The following KCNH7 variants were observed in gnomAD, a reference collection of about 807,000 sequenced individuals.
The protein encoded by KCNH7 is potassium voltage-gated channel subfamily H member 7.
KCNH7 carries 49 observed loss-of-function variants against 120.8 expected under a neutral mutation model. The observed-to-expected ratio is 0.41, with a 90% confidence interval of 0.32 to 0.51. The LOEUF is 0.51. Among genes scored for constraint, KCNH7 ranks in the 20% least tolerant of loss-of-function variants. KCNH7 has a pLI of 0.38. For missense variants in KCNH7, 1,097 were observed against 1,446.6 expected, an observed-to-expected ratio of 0.76 and a Z score of 3.92; for synonymous variants, 547 against 516.1, an observed-to-expected ratio of 1.06 and a Z score of -0.81.
At position 162,657,338 on chromosome 2, in the gene KCNH7, T is replaced by C. The variant is rs573048036; in HGVS notation, c.308-120258A>G. Among the ~76,000 whole-genome samples, 114 of 152,258 alleles carry C rather than the reference T, an allele frequency of 7.5e-4. 2 individuals carry two copies. Among genetic ancestry groups the C allele is most frequent in the African/African-American group, 2.4e-3 (100 of 41,560 alleles). ...ATCTTCCCCCTTTCCCTGAGCCCTT[T>C]GCAACCACCGATTGTTTGACTTTCT... On this transcript the variant is annotated intron_variant, in intron 2 of 15. Transcript: ENST00000332142.
intron 2 of KCNH7, among the ~76,000 whole-genome samples, chr2:162,784,170 G>GAA (rs564648218): frequency 1.5e-4 from 22 of 150,280 alleles, no homozygotes; most frequent in African/African-American, 5.1e-4. Flanking sequence ...AACTAAAAAT[G>GAA]AAAAAAAAAT....
chr2:162,793,947 C>CA (rs796069994), intron 2 of KCNH7, among the ~76,000 whole-genome samples: 2 of 151,476 alleles, frequency 1.3e-5, no homozygotes, highest in African/African-American at 4.8e-5. Flanking sequence ...GTTCTCACCA[C>CA]AAAAAAAGGT....
intron 6 of KCNH7, among the ~76,000 whole-genome samples, chr2:162,470,497 G>T (rs1689478140): frequency 6.6e-6 from 1 of 151,956 alleles, no homozygotes; most frequent in Non-Finnish European, 1.5e-5. Context: ...GAAGTGAGGA[G>T]CCCCTCTGCC....
chr2:162,405,987 T>C (rs182635060), intron 9 of KCNH7, among the ~76,000 whole-genome samples: 57 of 152,114 alleles, frequency 3.7e-4, no homozygotes, highest in African/African-American at 1.3e-3. Context: ...AGATAGATAT[T>C]CATCTACTTA....
intron 12 of KCNH7, among the ~76,000 whole-genome samples, chr2:162,392,861 T>A (rs2105429754): frequency 6.6e-6 from 1 of 151,480 alleles, no homozygotes; most frequent in African/African-American, 2.4e-5. Flanking sequence ...GCTTTGAACA[T>A]GTAGGTGACA....
At position 162,750,402 on chromosome 2, in the gene KCNH7, A is replaced by C. The variant is rs138548180; in HGVS notation, c.307+86135T>G. 5.5e-3 allele frequency among the ~76,000 whole-genome samples: 825 copies of C among 148,652 alleles called. 6 individuals carry two copies. Among genetic ancestry groups the C allele is most frequent in the Middle Eastern group, 0.02 (6 of 294 alleles). ...ATATACTGTATAGTAAAAGAAATAA[A>C]AGACTTAGCAATTCTGGATAGACTT... is the stretch of plus-strand genomic sequence containing the variant. On this transcript the variant is annotated intron_variant, in intron 2 of 15. Transcript: ENST00000332142.
At chr2:162,600,951 G>A (rs1302581986) in intron 2 of KCNH7, among the ~76,000 whole-genome samples, 1 of 152,006 alleles carries the variant, frequency 6.6e-6, no homozygotes, top group Non-Finnish European at 1.5e-5. Flanking sequence ...TGTCTCCCAT[G>A]GGGAGAAAAG....
chr2:162,748,822 CCTCCCCTCCCCTCCT>C (rs1420988282), intron 2 of KCNH7, among the ~76,000 whole-genome samples: 9 of 115,960 alleles, frequency 7.8e-5, no homozygotes, highest in Non-Finnish European at 1.2e-4. Flanking sequence ...AATCCTTCTC[CCTCCCCTCCCCTCCT>C]CTCCCCTCCC....
At chr2:162,801,892 G>A (rs1376397171) in intron 2 of KCNH7, among the ~76,000 whole-genome samples, 1 of 151,632 alleles carries the variant, frequency 6.6e-6, no homozygotes, top group Non-Finnish European at 1.5e-5. Context: ...CATCATTATG[G>A]CCCTGGAGTT....
At chr2:162,602,955 T>G (rs1216709695) in intron 2 of KCNH7, among the ~76,000 whole-genome samples, 1 of 151,200 alleles carries the variant, frequency 6.6e-6, no homozygotes, top group Non-Finnish European at 1.5e-5. Context: ...GGACTTTTTT[T>G]TTTTTTTGGT....
chr2:162,379,407 A>C lies in KCNH7; in HGVS notation c.3131+446T>G, dbSNP rs75020746. On this transcript the variant is annotated intron_variant, in intron 14 of 15. Transcript: ENST00000332142. ...TCTGTGAGAATTTCAAGTCAATTAC[A>C]TTTTTTGATAAGCTGACTGAATAAC... Among the ~76,000 whole-genome samples the C allele has an allele frequency of 2.2e-4, 34 of 152,326 alleles. No homozygotes were observed. The Middle Eastern group carries it at 0.02, about 91-fold the overall frequency.
chr2:162,379,754 T>G, intron 14 of KCNH7, 99 bp downstream of exon 14: 57 of 1,125,556 alleles, frequency 5.1e-5, no homozygotes, highest in East Asian at 7.2e-5. Flanking sequence ...AAGGAAATTA[T>G]GAGATCATGG....
Position 162,371,876 on chromosome 2 carries a change from C to A in KCNH7, c.3544G>T (p.Val1182Leu). The A allele has an allele frequency of 6.2e-7, 1 of 1,613,304 alleles. No individual in the cohort carries two copies. The highest frequency in any genetic ancestry group is 8.5e-7 in the Non-Finnish European group (1 of 1,179,390). The change falls in exon 16 of 16, where the codon GTG (valine) becomes TTG (leucine). Residue 1182 changes from valine to leucine, a missense_variant. Transcript: ENST00000332142. Reference sequence around the variant, plus strand: ...TCAGAAACATGCCTATGAAGACCCACGATTCCTACAGTGCTTAGGGATGAA... The same window carrying A: ...TCAGAAACATGCCTATGAAGACCCAAGATTCCTACAGTGCTTAGGGATGAA... ...PDSSLSTVGI[V>L]GLHRHVSDPG...
At chr2:162,468,951 G>A (rs751957040) in intron 6 of KCNH7, among the ~76,000 whole-genome samples, 1 of 151,856 alleles carries the variant, frequency 6.6e-6, no homozygotes, top group Non-Finnish European at 1.5e-5. Context: ...TCCAGGCCCA[G>A]GTGACCCTCC....
At position 162,791,008 on chromosome 2, in the gene KCNH7, T is replaced by C. The variant is rs549059918; in HGVS notation, c.307+45529A>G. 7.2e-5 allele frequency among the ~76,000 whole-genome samples: 11 copies of C among 152,220 alleles called. No individual in the cohort carries two copies. In the South Asian group the frequency reaches 2.3e-3, roughly 32 times the overall value. The stretch of plus-strand genomic sequence containing the variant: ...GGAAAAGAAATAAAAAGCATCTTCA[T>C]TTGAAGGGAAGAAGTTAAATTGTCT... On this transcript the variant is annotated intron_variant, in intron 2 of 15. Transcript: ENST00000332142.
intron 2 of KCNH7, among the ~76,000 whole-genome samples, chr2:162,690,864 T>C (rs889906052): frequency 2.0e-5 from 3 of 152,190 alleles, no homozygotes; most frequent in African/African-American, 7.2e-5. Context: ...GCTTATATAA[T>C]TTTCAGCACT....
At chr2:162,792,481 G>A (rs748079592) in intron 2 of KCNH7, among the ~76,000 whole-genome samples, 12 of 151,846 alleles carry the variant, frequency 7.9e-5, no homozygotes, top group Non-Finnish European at 1.8e-4. Context: ...GTCTGTTCAG[G>A]GATTCGAATT....
intron 9 of KCNH7, among the ~76,000 whole-genome samples, chr2:162,422,290 C>T (rs1056350711): frequency 5.3e-5 from 8 of 151,964 alleles, no homozygotes; most frequent in African/African-American, 1.9e-4. Context: ...AATTTTGAAC[C>T]CTTCTTTCTC....
intron 6 of KCNH7, among the ~76,000 whole-genome samples, chr2:162,472,014 C>A (rs894736409): frequency 1.3e-5 from 2 of 152,142 alleles, no homozygotes; most frequent in African/African-American, 4.8e-5. Context: ...ATAAATGGTG[C>A]TGGGAAAACT....
Sources: allele counts gnomAD v4.1 joint callset (sites outside exome capture counted in the v4.1 genomes callset), GRCh38; gene constraint gnomAD v4.1.1; transcripts MANE v1.5; gene names NCBI Gene and HGNC (gene_info 2026-07-23, HGNC 2026-07-21).